Variants in ERICH1 observed in about 807,000 individuals in gnomAD.
The protein encoded by ERICH1 is glutamate rich 1.
Under a neutral mutation model 39.6 loss-of-function variants are expected in ERICH1, and 56 were observed. That is an observed-to-expected ratio of 1.41 (90% CI 1.14 to 1.77). The LOEUF (loss-of-function observed/expected upper bound fraction) is 1.77. Ranked by LOEUF, ERICH1 falls within the 40% of genes most tolerant of loss-of-function variation. The pLI is 0.00. For missense variants in ERICH1, 826 were observed against 575.4 expected, an observed-to-expected ratio of 1.44 and a Z score of -4.45; for synonymous variants, 313 against 223.6, an observed-to-expected ratio of 1.40 and a Z score of -3.57.
At chr8:630,235 C>T (rs1797914342) in intron 3 of ERICH1, among the ~76,000 whole-genome samples, 1 of 140,128 alleles carries the variant, frequency 7.1e-6, no homozygotes, top group African/African-American at 2.9e-5. Flanking sequence ...ACCACCCACA[C>T]AGACAGAGCT....
intron 2 of ERICH1, among the ~76,000 whole-genome samples, chr8:693,988 T>G (rs1809555021): frequency 7.0e-6 from 1 of 143,386 alleles, no homozygotes; most frequent in Admixed American, 7.3e-5. Flanking sequence ...CAGTTTAGTC[T>G]TCCTTTTTTC....
intron 3 of ERICH1, among the ~76,000 whole-genome samples, chr8:623,222 C>G (rs1797395559): frequency 6.6e-6 from 1 of 152,062 alleles, no homozygotes; most frequent in African/African-American, 2.4e-5. Flanking sequence ...GGAATTTATC[C>G]TAGGAATTCA....
intron 3 of ERICH1, among the ~76,000 whole-genome samples, chr8:690,476 G>C (rs1455381043): frequency 6.6e-6 from 1 of 152,264 alleles, no homozygotes; most frequent in African/African-American, 2.4e-5. Flanking sequence ...CAGGCCCTCA[G>C]CCTGTTGGAA....
intron 1 of ERICH1, among the ~76,000 whole-genome samples, chr8:727,145 G>A (rs564186743): frequency 1.3e-5 from 2 of 151,994 alleles, no homozygotes; most frequent in South Asian, 2.1e-4. Flanking sequence ...CTGCACAGAT[G>A]CACACAGACA....
downstream of ERICH1, among the ~76,000 whole-genome samples, chr8:659,886 G>A (rs1434203209): frequency 6.6e-6 from 1 of 151,582 alleles, no homozygotes; most frequent in Non-Finnish European, 1.5e-5. Flanking sequence ...TGAATATCCT[G>A]GGGAGGGGGT....
At chr8:624,482 G>T (rs973339273) in intron 3 of ERICH1, among the ~76,000 whole-genome samples, 1 of 152,218 alleles carries the variant, frequency 6.6e-6, no homozygotes, top group Non-Finnish European at 1.5e-5. Flanking sequence ...AGCACAGTCT[G>T]TATCAGTCCT....
Position 664,633 on chromosome 8 carries a change from T to C in ERICH1, c.1302A>G (p.Thr434=). 1 of 1,613,202 alleles carries C rather than the reference T, an allele frequency of 6.2e-7. No homozygotes were observed. Among genetic ancestry groups the C allele is most frequent in the South Asian group, 1.1e-5 (1 of 90,894 alleles). ...CACTGCTCTTCTCAGGAAGGATATG[T>C]GTGATCCAGTAACTAAAGAAAGCTG... The part of the protein sequence containing the change: ...VISAFFSYWI[T]HILPEKSSD The change falls in exon 6 of 6, where the codon ACA becomes ACG. Residue 434 remains threonine, a synonymous_variant. Transcript: ENST00000262109.
intron 2 of ERICH1, among the ~76,000 whole-genome samples, chr8:714,032 T>G (rs55873377): frequency 9.4e-6 from 1 of 106,754 alleles, no homozygotes; most frequent in Non-Finnish European, 1.9e-5. Context: ...TGGGATGTGC[T>G]GCACCCAGGC....
Position 645,862 on chromosome 8 carries a change from C to T in ERICH1, c.976+22736G>A, listed in dbSNP as rs1799459125. On this transcript the variant is annotated intron_variant, in intron 3 of 3. Transcript: ENST00000522706. Reference sequence around the variant, plus strand: ...AGCTCTAGCCCTGCTGTCCACTTCACATCTGGCTCCTTCTGTTCTGAAATG... The same window carrying T: ...AGCTCTAGCCCTGCTGTCCACTTCATATCTGGCTCCTTCTGTTCTGAAATG... Among the ~76,000 whole-genome samples, 3 of 69,226 alleles carry T rather than the reference C, an allele frequency of 4.3e-5. 1 individual carries two copies. The highest frequency in any genetic ancestry group is 2.5e-4 in the Admixed American group (2 of 8,028). 45.4% of individuals were successfully genotyped at this position (69,226 alleles called of 152,430 possible).
At chr8:668,307 A>C (rs1802595213) in intron 5 of ERICH1, 1 of 433,682 alleles carries the variant, frequency 2.3e-6, no homozygotes, top group Non-Finnish European at 4.2e-6. Context: ...AAGAGGAAGA[A>C]ATGAATTCAT....
intron 1 of ERICH1, among the ~76,000 whole-genome samples, chr8:721,498 A>C (rs150931903): frequency 6.6e-6 from 1 of 152,160 alleles, no homozygotes; most frequent in African/African-American, 2.4e-5. Flanking sequence ...CGGCCCCCAC[A>C]CACCTGGCCC....
At chr8:701,830 G>A (rs544096628) in intron 2 of ERICH1, among the ~76,000 whole-genome samples, 40 of 152,052 alleles carry the variant, frequency 2.6e-4, no homozygotes, top group Non-Finnish European at 3.7e-4. Context: ...GGTTGCTCAC[G>A]CATGTAATCC....
At chr8:718,814 C>T (rs1190423229) in intron 1 of ERICH1, among the ~76,000 whole-genome samples, 9 of 152,218 alleles carry the variant, frequency 5.9e-5, no homozygotes, top group Non-Finnish European at 1.0e-4. Flanking sequence ...AGGATTTCTG[C>T]AATTCCCCTG....
At chr8:712,136 T>G (rs879902495) in intron 2 of ERICH1, among the ~76,000 whole-genome samples, 6 of 152,250 alleles carry the variant, frequency 3.9e-5, no homozygotes, top group Admixed American at 3.3e-4. Context: ...CTCAGTCTTT[T>G]GCGTCTCCAT....
At position 722,012 on chromosome 8, in the gene ERICH1, C is replaced by A. The variant is rs116210825; in HGVS notation, c.23-6005G>T. ...GCTGGTGCAGCAGGAGCTCCCGGAG[C>A]CCCCGATGCTGCATGGCCCAAATGA... is the stretch of plus-strand genomic sequence containing the variant. On this transcript the variant is annotated intron_variant, in intron 1 of 5. Transcript: ENST00000262109. 2.0e-3 allele frequency among the ~76,000 whole-genome samples: 298 copies of A among 152,176 alleles called. 5 individuals are homozygous for A. Among genetic ancestry groups the A allele is most frequent in the African/African-American group, 6.9e-3 (287 of 41,514 alleles).
intron 3 of ERICH1, among the ~76,000 whole-genome samples, chr8:688,276 TCCCCG>T (rs1256451276): frequency 6.4e-5 from 3 of 46,736 alleles, no homozygotes; most frequent in Non-Finnish European, 8.9e-5. Context: ...GTTCCGCCCG[TCCCCG>T]CCCCGCCCCG....
intron 2 of ERICH1, among the ~76,000 whole-genome samples, chr8:693,718 G>A (rs11778821): frequency 0.2 from 28,227 of 140,828 alleles, 2,745 homozygotes; most frequent in East Asian, 0.44. Flanking sequence ...CGTGGACGGC[G>A]GCTGGAACCT....
At chr8:723,290 A>G (rs1209525742) in intron 1 of ERICH1, among the ~76,000 whole-genome samples, 2 of 152,234 alleles carry the variant, frequency 1.3e-5, no homozygotes, top group South Asian at 2.1e-4. Context: ...TCTTTTCTTT[A>G]TAAATAACCC....
In ERICH1 at chr8:642,571, T is replaced by C. The variant is rs551685506; in HGVS notation, c.976+26027A>G. On this transcript the variant is annotated intron_variant, in intron 3 of 3. Coordinates refer to the ERICH1 transcript ENST00000522706. ...GTGTTAGCCAGGATGGTCTCGATCTTCTGACCTCGTGATCTGCCCGCCTCG... is the reference window on the plus strand; with the variant it reads ...GTGTTAGCCAGGATGGTCTCGATCTCCTGACCTCGTGATCTGCCCGCCTCG... 3.6e-4 allele frequency among the ~76,000 whole-genome samples: 54 copies of C among 152,078 alleles called. No individual in the cohort carries two copies. The East Asian group carries it at 3.9e-3, about 11-fold the overall frequency.
Sources: gnomAD v4.1 joint callset for allele counts (sites outside exome capture counted in the v4.1 genomes callset) on GRCh38, gnomAD v4.1.1 for gene constraint, MANE v1.5 for transcripts, NCBI Gene and HGNC (gene_info 2026-07-23, HGNC 2026-07-21) for gene names.